The following CCDC102B variants were observed in gnomAD, a reference collection of about 807,000 sequenced individuals.
CCDC102B encodes coiled-coil domain containing 102B, also known as coiled-coil domain-containing protein 102B.
CCDC102B carries 75 observed loss-of-function variants against 57.4 expected under a neutral mutation model. The observed-to-expected ratio is 1.31, with a 90% CI of 1.08 to 1.58. The LOEUF (loss-of-function observed/expected upper bound fraction) is 1.58, where lower values mean the gene tolerates loss of function less well. CCDC102B is among the 40% of genes most tolerant of loss of function. The probability of loss-of-function intolerance (pLI) is 0.00; values close to 1 mark genes in which losing one functional copy is unlikely to be tolerated. For synonymous variants in CCDC102B, 206 were observed against 201.9 expected, an observed-to-expected ratio of 1.02 and a Z score of -0.17; for missense variants, 636 against 582.6, an observed-to-expected ratio of 1.09 and a Z score of -0.94.
At chr18:68,819,940 T>G (rs1599511736) in intron 1 of CCDC102B, among the ~76,000 whole-genome samples, 1 of 152,086 alleles carries the variant, frequency 6.6e-6, no homozygotes, top group South Asian at 2.1e-4. Context: ...ATCAGTAACT[T>G]TACTAAAAAT....
intron 4 of CCDC102B, among the ~76,000 whole-genome samples, chr18:68,873,660 G>A (rs1294518820): frequency 2.0e-5 from 3 of 151,978 alleles, no homozygotes; most frequent in African/African-American, 7.2e-5. Flanking sequence ...ATCAAGTTCA[G>A]TTCCTGGGGA....
intron 5 of CCDC102B, among the ~76,000 whole-genome samples, chr18:68,881,578 C>G (rs4638690): frequency 0.88 from 133,212 of 152,042 alleles, 58,558 homozygotes; most frequent in Admixed American, 0.92. Context: ...TGGATTTCAT[C>G]CAAACAATTG....
intron 5 of CCDC102B, among the ~76,000 whole-genome samples, chr18:68,875,309 C>CT (rs1341899956): frequency 6.6e-6 from 1 of 152,124 alleles, no homozygotes; most frequent in African/African-American, 2.4e-5. Context: ...TGTGTAAACA[C>CT]TGAGTGTTTT....
At chr18:68,867,632 G>A in intron 4 of CCDC102B, among the ~76,000 whole-genome samples, 1 of 152,082 alleles carries the variant, frequency 6.6e-6, no homozygotes, top group Non-Finnish European at 1.5e-5. Flanking sequence ...CCCAGCTAGA[G>A]GGAGATAAAG....
intron 5 of CCDC102B, among the ~76,000 whole-genome samples, chr18:68,882,674 C>G (rs1599629209): frequency 6.6e-6 from 1 of 152,260 alleles, no homozygotes; most frequent in Non-Finnish European, 1.5e-5. Flanking sequence ...CTTATCTTTA[C>G]AAACAACAAT....
At chr18:68,884,545 C>T (rs952701274) in intron 5 of CCDC102B, among the ~76,000 whole-genome samples, 1 of 151,354 alleles carries the variant, frequency 6.6e-6, no homozygotes, top group Non-Finnish European at 1.5e-5. Flanking sequence ...AGATGTAGGT[C>T]AGAGGCTACA....
chr18:68,908,797 T>C (rs2040734102), intron 6 of CCDC102B, among the ~76,000 whole-genome samples: 1 of 152,160 alleles, frequency 6.6e-6, no homozygotes, highest in Non-Finnish European at 1.5e-5. Flanking sequence ...CATTGGATAA[T>C]ATACGTGTGT....
At chr18:68,899,758 T>TAATTTTATAAG (rs1338949905) in intron 6 of CCDC102B, 2 of 152,162 alleles carry the variant, frequency 1.3e-5, no homozygotes, top group African/African-American at 4.8e-5. Flanking sequence ...TCCCTATTAA[T>TAATTTTATAAG]TCAAAAAGGT....
chr18:68,838,653 T>C (rs562385499), intron 2 of CCDC102B, 53 bp from the exon 3 acceptor site: 2 of 1,578,122 alleles, frequency 1.3e-6, no homozygotes, highest in Non-Finnish European at 1.7e-6. Flanking sequence ...TGTTTTGTCA[T>C]CATGATTTTT....
chr18:68,808,635 G>A (rs1208734953), intron 1 of CCDC102B, among the ~76,000 whole-genome samples: 4 of 151,780 alleles, frequency 2.6e-5, no homozygotes, highest in South Asian at 4.2e-4. Context: ...CCGCCACCAC[G>A]CCCGGATAAT....
chr18:68,997,544 T>C (rs1193932306), intron 6 of CCDC102B, among the ~76,000 whole-genome samples: 1 of 152,192 alleles, frequency 6.6e-6, no homozygotes, highest in Non-Finnish European at 1.5e-5. Context: ...AAAATGTACA[T>C]GTCAAGTAGA....
In CCDC102B at chr18:69,054,804, A is replaced by T; in HGVS notation, c.*667A>T. On this transcript the variant is annotated 3_prime_UTR_variant, in exon 8 of 8. Coordinates refer to ENST00000360242, the MANE Select transcript of CCDC102B (RefSeq NM_024781.3). The stretch of plus-strand genomic sequence containing the variant: ...ACTTTTGACTTTTATCTGGATAGAC[A>T]TTTCTACAGTAAAATCATGGAAAGG... 3.0e-6 allele frequency: 3 copies of T among 985,344 alleles called. No individual in the cohort carries two copies. Among genetic ancestry groups the T allele is most frequent in the East Asian group, 1.1e-4 (1 of 8,790 alleles). The allele number at this position is 985,344 out of a possible 1,614,324, so 61.0% of individuals were successfully genotyped here.
intron 2 of CCDC102B, among the ~76,000 whole-genome samples, chr18:68,765,376 AGAAAAGAAAG>A (rs1251737298): frequency 1.2e-4 from 17 of 143,910 alleles, no homozygotes; most frequent in African/African-American, 4.5e-4. Flanking sequence ...AAAGAAAGAA[AGAAAAGAAAG>A]AAAGAAAAGA....
At chr18:69,024,547 A>G (rs2051932072) in intron 7 of CCDC102B, among the ~76,000 whole-genome samples, 1 of 152,094 alleles carries the variant, frequency 6.6e-6, no homozygotes. Flanking sequence ...AATTTGATGC[A>G]TTTCACACTT....
At chr18:69,046,744 T>G (rs2052577327) in intron 7 of CCDC102B, among the ~76,000 whole-genome samples, 1 of 152,076 alleles carries the variant, frequency 6.6e-6, no homozygotes, top group Non-Finnish European at 1.5e-5. Context: ...ATTTAAGTCT[T>G]TATAATCCAT....
chr18:68,849,318 G>A (rs990948456), intron 4 of CCDC102B, among the ~76,000 whole-genome samples: 3 of 152,090 alleles, frequency 2.0e-5, no homozygotes, highest in Non-Finnish European at 4.4e-5. Context: ...TGGAATATTA[G>A]CGCAGTTCTG....
At chr18:68,857,798 A>G (rs1470149198) in intron 4 of CCDC102B, among the ~76,000 whole-genome samples, 4 of 152,176 alleles carry the variant, frequency 2.6e-5, no homozygotes, top group Non-Finnish European at 5.9e-5. Context: ...TGATGATTCC[A>G]CAATTTATTG....
At chr18:68,787,786 GATTC>G (rs1197937080) in intron 2 of CCDC102B, among the ~76,000 whole-genome samples, 1 of 151,770 alleles carries the variant, frequency 6.6e-6, no homozygotes, top group African/African-American at 2.4e-5. Context: ...CCAGCTCCTG[GATTC>G]ATTAATTTTT....
chr18:68,889,834 T>C (rs2040013715), intron 5 of CCDC102B, among the ~76,000 whole-genome samples: 1 of 152,208 alleles, frequency 6.6e-6, no homozygotes, highest in African/African-American at 2.4e-5. Flanking sequence ...ATTCTCAAAT[T>C]GTCCCAAAGC....
Sources: allele counts gnomAD v4.1 joint callset (sites outside exome capture counted in the v4.1 genomes callset), GRCh38; gene constraint gnomAD v4.1.1; transcripts MANE v1.5; gene names NCBI Gene and HGNC (gene_info 2026-07-23, HGNC 2026-07-21).